GPD2: variants seen among roughly 807,000 people sequenced by gnomAD.
The protein encoded by GPD2 is glycerol-3-phosphate dehydrogenase, mitochondrial.
In GPD2, 54 loss-of-function variants were observed where a neutral mutation model predicts 82.4. That is an observed-to-expected ratio of 0.66 (90% CI 0.53 to 0.82). The LOEUF (loss-of-function observed/expected upper bound fraction) is 0.82. Ranked by LOEUF, GPD2 falls within the 40% of genes least tolerant of loss-of-function variation. The pLI, the probability that GPD2 is intolerant of heterozygous loss-of-function variation, is 0.00. For missense variants in GPD2, 748 were observed against 896.2 expected, an observed-to-expected ratio of 0.83 and a Z score of 2.11; for synonymous variants, 288 against 306.1, an observed-to-expected ratio of 0.94 and a Z score of 0.62.
the GPD2 span, among the ~76,000 whole-genome samples, chr2:156,409,041 G>A: frequency 2.0e-5 from 3 of 152,128 alleles, no homozygotes; most frequent in Admixed American, 1.3e-4. Context: ...GATGAAGGCC[G>A]TGGTTCAGGT....
At chr2:156,465,097 C>T (rs1362456189) in intron 1 of GPD2, among the ~76,000 whole-genome samples, 1 of 152,132 alleles carries the variant, frequency 6.6e-6, no homozygotes. Context: ...GTGATCCACC[C>T]GCCACGGCCT....
chr2:156,541,403 G>C (rs1468547342), intron 6 of GPD2, among the ~76,000 whole-genome samples: 1 of 152,158 alleles, frequency 6.6e-6, no homozygotes, highest in Non-Finnish European at 1.5e-5. Flanking sequence ...ATTTGCTCTT[G>C]TATCTCTGTT....
intron 3 of GPD2, among the ~76,000 whole-genome samples, chr2:156,498,119 C>T (rs999044800): frequency 2.6e-5 from 4 of 152,144 alleles, no homozygotes; most frequent in African/African-American, 9.7e-5. Flanking sequence ...TTGGTATCTG[C>T]AGGCATTTTC....
At chr2:156,540,035 G>T (rs1686245816) in intron 6 of GPD2, among the ~76,000 whole-genome samples, 1 of 152,142 alleles carries the variant, frequency 6.6e-6, no homozygotes, top group Admixed American at 6.5e-5. Context: ...AAAAAATCTG[G>T]TTAACTTAAA....
Position 156,571,241 on chromosome 2 carries a change from G to A in GPD2, c.1716G>A (p.Arg572=), listed in dbSNP as rs1230953517. 1.2e-6 allele frequency: 2 copies of A among 1,612,862 alleles called. No individual in the cohort carries two copies. The highest frequency in any genetic ancestry group is 1.7e-6 in the Non-Finnish European group (2 of 1,179,090). Residue 572 remains arginine, a synonymous_variant, in exon 13 of 17, where the codon AGG becomes AGA. Coordinates refer to ENST00000438166, the MANE Select transcript of GPD2 (RefSeq NM_000408.5). ...NVQAAEEALP[R]IVELMGRELN... is the part of the protein sequence containing the mutation. ...AGGCAGCAGAGGAAGCCCTACCCAG[G>A]ATTGTTGAACTGATGGGCAGGGAAC...
intron 8 of GPD2, among the ~76,000 whole-genome samples, chr2:156,552,097 C>G (rs892952927): frequency 2.0e-5 from 3 of 152,126 alleles, no homozygotes; most frequent in African/African-American, 4.8e-5. Context: ...TAAGATGCAC[C>G]TAATTGGTAC....
chr2:156,573,231 G>A (rs542991520), intron 13 of GPD2, among the ~76,000 whole-genome samples: 1 of 152,272 alleles, frequency 6.6e-6, no homozygotes, highest in Admixed American at 6.5e-5. Context: ...GAGAAAACAG[G>A]TTCACAGAGT....
chr2:156,486,778 AT>A (rs1683958084), intron 2 of GPD2, among the ~76,000 whole-genome samples: 2 of 152,244 alleles, frequency 1.3e-5, no homozygotes, highest in African/African-American at 4.8e-5. Context: ...GAAAAATCAT[AT>A]TTATATTTGA....
At chr2:156,541,834 T>TG (rs1686332527) in intron 6 of GPD2, among the ~76,000 whole-genome samples, 1 of 145,010 alleles carries the variant, frequency 6.9e-6, no homozygotes, top group Admixed American at 6.9e-5. Flanking sequence ...GTTTTTTTTT[T>TG]TTTTTTTTTT....
intron 9 of GPD2, among the ~76,000 whole-genome samples, chr2:156,565,261 G>T (rs976897450): frequency 6.6e-6 from 1 of 151,344 alleles, no homozygotes; most frequent in East Asian, 1.9e-4. Flanking sequence ...CCACAATGAC[G>T]TTGTAAGCGG....
chr2:156,563,963 G>A lies in GPD2; in HGVS notation c.1166-4862G>A, dbSNP rs193172865. Among the ~76,000 whole-genome samples, 305 of 152,256 alleles carry A rather than the reference G, an allele frequency of 2.0e-3. 1 individual carries two copies. In the Middle Eastern group the frequency reaches 0.051, roughly 25 times the overall value. Reference sequence around the variant, plus strand: ...TAACCACATGCTACTAATGGCTAGCGAATTGGATCGTGGAGCTATGTACAG... The same window carrying A: ...TAACCACATGCTACTAATGGCTAGCAAATTGGATCGTGGAGCTATGTACAG... On this transcript the variant is annotated intron_variant, in intron 9 of 16. Transcript: ENST00000438166.
At chr2:156,496,277 G>T (rs1002679857) in intron 3 of GPD2, 62 bp downstream of exon 3, 63 of 1,161,748 alleles carry the variant, frequency 5.4e-5, no homozygotes, top group Admixed American at 9.5e-5. Flanking sequence ...GGATGTGCAG[G>T]TTTGTTACAT....
In GPD2 at chr2:156,568,817, C is replaced by T; in HGVS notation, c.1166-8C>T. ...ATGTTCATAACCCTTGGCATTGATT[C>T]CTACCAGTGAGAAGAGGGGATGTCC... is the stretch of plus-strand genomic sequence containing the variant. On this transcript the variant is annotated splice_polypyrimidine_tract_variant and splice_region_variant and intron_variant, in intron 9 of 16. Coordinates refer to ENST00000438166, the MANE Select transcript of GPD2 (RefSeq NM_000408.5). 6.2e-7 allele frequency: 1 copy of T among 1,611,168 alleles called. No individual in the cohort carries two copies. Among genetic ancestry groups the T allele is most frequent in the Non-Finnish European group, 8.5e-7 (1 of 1,177,666 alleles).
the GPD2 span, among the ~76,000 whole-genome samples, chr2:156,419,929 C>T: frequency 6.6e-6 from 1 of 152,154 alleles, no homozygotes; most frequent in South Asian, 2.1e-4. Flanking sequence ...AACTTTGAAA[C>T]TTAGCTCTCT....
At chr2:156,532,091 C>G (rs1003419329) in intron 6 of GPD2, among the ~76,000 whole-genome samples, 1 of 152,112 alleles carries the variant, frequency 6.6e-6, no homozygotes, top group Admixed American at 6.5e-5. Context: ...CAGTCTTGAC[C>G]TCTGGAGTTT....
chr2:156,553,218 A>G (rs1686831511), intron 8 of GPD2, among the ~76,000 whole-genome samples: 1 of 152,056 alleles, frequency 6.6e-6, no homozygotes, highest in African/African-American at 2.4e-5. Flanking sequence ...TAACTGGTAT[A>G]AGGTTTGACA....
At chr2:156,534,361 G>A (rs1178219943) in intron 6 of GPD2, among the ~76,000 whole-genome samples, 3 of 152,198 alleles carry the variant, frequency 2.0e-5, no homozygotes, top group Non-Finnish European at 4.4e-5. Flanking sequence ...ATGCAGGGAT[G>A]CAGCAGGCCA....
At chr2:156,464,897 C>T (rs1271420962) in intron 1 of GPD2, among the ~76,000 whole-genome samples, 2 of 151,642 alleles carry the variant, frequency 1.3e-5, no homozygotes, top group Non-Finnish European at 2.9e-5. Flanking sequence ...GTTGCCCAGG[C>T]TGGTGTGCAG....
In GPD2 at chr2:156,493,958, G is replaced by GTGTGTGTGTGTGTGTGTGTGTGTA. The variant is rs60643688; in HGVS notation, c.103-2085_103-2084insGTGTGTGTGTGTGTGTGTGTGTAT. Among the ~76,000 whole-genome samples, 6 of 143,518 alleles carry GTGTGTGTGTGTGTGTGTGTGTGTA rather than the reference G, an allele frequency of 4.2e-5. No homozygotes were observed. The East Asian group carries it at 1.0e-3, about 25-fold the overall frequency. 94.2% of individuals were successfully genotyped at this position (143,518 alleles called of 152,430 possible). A position where few individuals can be genotyped will look rare whatever the true frequency, so the allele number is the denominator to read the frequency against. On this transcript the variant is annotated intron_variant, in intron 2 of 16. Transcript: ENST00000438166. ...TGTGTGTGTGTGTGTGTGTGTGTGTGTATAATTTTTTTCCTCATTAGATGG... is the reference window on the plus strand; with the variant it reads ...TGTGTGTGTGTGTGTGTGTGTGTGTGTGTGTGTGTGTGTGTGTGTGTGTATATAATTTTTTTCCTCATTAGATGG...
Sources: gnomAD v4.1 joint callset for allele counts (sites outside exome capture counted in the v4.1 genomes callset) on GRCh38, gnomAD v4.1.1 for gene constraint, MANE v1.5 for transcripts, NCBI Gene and HGNC (gene_info 2026-07-23, HGNC 2026-07-21) for gene names.